LGR6: variants seen among roughly 807,000 people sequenced by gnomAD.
LGR6 encodes the protein leucine rich repeat containing G protein-coupled receptor 6.
A neutral mutation model predicts 69.4 loss-of-function variants in LGR6; 45 were observed. That is an observed-to-expected ratio of 0.65 (90% CI 0.51 to 0.83). The LOEUF (loss-of-function observed/expected upper bound fraction) is 0.83. Ranked by LOEUF, LGR6 falls within the 40% of genes least tolerant of loss-of-function variation. The probability of loss-of-function intolerance (pLI) is 0.00; values close to 1 mark genes in which losing one functional copy is unlikely to be tolerated. For missense variants in LGR6, 1,108 were observed against 1,246.7 expected, an observed-to-expected ratio of 0.89 and a Z score of 1.68; for synonymous variants, 538 against 555.0, an observed-to-expected ratio of 0.97 and a Z score of 0.43.
intron 16 of LGR6, 41 bp downstream of exon 16, chr1:202,310,398 T>C (rs1234788669): frequency 6.3e-7 from 1 of 1,595,834 alleles, no homozygotes; most frequent in Non-Finnish European, 8.6e-7. Context: ...GGTAGTGGGC[T>C]GTGGAGAGGA....
chr1:202,250,432 G>T (rs1216037532), intron 4 of LGR6, among the ~76,000 whole-genome samples: 1 of 151,222 alleles, frequency 6.6e-6, no homozygotes, highest in Non-Finnish European at 1.5e-5. Flanking sequence ...TTGAGACAGA[G>T]TCTCACTCTG....
chr1:202,260,117 C>T (rs939142723), intron 4 of LGR6, among the ~76,000 whole-genome samples: 15 of 152,266 alleles, frequency 9.9e-5, no homozygotes, highest in East Asian at 1.9e-4. Flanking sequence ...GTCTTGATTT[C>T]GGCCTCAGCC....
intron 4 of LGR6, among the ~76,000 whole-genome samples, chr1:202,250,551 G>A (rs949737534): frequency 6.6e-6 from 1 of 151,804 alleles, no homozygotes. Context: ...GATTACAGGG[G>A]CCCACCACCA....
In LGR6 at chr1:202,225,249, T is replaced by C; in HGVS notation, c.213-174T>C. 4 of 602,998 alleles carry C rather than the reference T, an allele frequency of 6.6e-6. No homozygotes were observed. The South Asian group carries it at 7.1e-5, about 11-fold the overall frequency. 37.4% of individuals were successfully genotyped at this position (602,998 alleles called of 1,614,324 possible). A position where few individuals can be genotyped will look rare whatever the true frequency, so the allele number is the denominator to read the frequency against. On this transcript the variant is annotated intron_variant, in intron 1 of 17. Transcript: ENST00000367278. The stretch of plus-strand genomic sequence containing the variant: ...GGAGGCCTGACTCCCAGCTCAGTTC[T>C]TGCTCTTAGAGAGAACGCAGCTGCT...
At chr1:202,249,512 A>G (rs1183428868) in intron 4 of LGR6, among the ~76,000 whole-genome samples, 1 of 152,186 alleles carries the variant, frequency 6.6e-6, no homozygotes, top group African/African-American at 2.4e-5. Flanking sequence ...TTTAGCTTAG[A>G]TTGGTACAAT....
intron 1 of LGR6, among the ~76,000 whole-genome samples, chr1:202,211,492 G>A (rs559462761): frequency 6.6e-6 from 1 of 152,266 alleles, no homozygotes; most frequent in East Asian, 1.9e-4. Context: ...CTCCCAAGTA[G>A]CTGGGATTAC....
chr1:202,280,670 C>T, intron 5 of LGR6, 111 bp from the exon 6 acceptor site: 1 of 936,302 alleles, frequency 1.1e-6, no homozygotes, highest in South Asian at 1.3e-5. Flanking sequence ...CCATTAGGGT[C>T]ATTCTGTCCA....
chr1:202,251,144 C>T (rs968409579), intron 4 of LGR6, among the ~76,000 whole-genome samples: 5 of 152,122 alleles, frequency 3.3e-5, no homozygotes, highest in African/African-American at 1.2e-4. Context: ...ATAGGCAATG[C>T]TGTTGGCTTC....
chr1:202,279,009 G>T (rs1189552434), intron 5 of LGR6, among the ~76,000 whole-genome samples: 3 of 152,178 alleles, frequency 2.0e-5, no homozygotes, highest in African/African-American at 2.4e-5. Context: ...AAGACACCAG[G>T]GTTGAATGAG....
Position 202,317,992 on chromosome 1 carries a change from C to T in LGR6, c.1689C>T (p.Gly563=). 1 of 1,613,688 alleles carries T rather than the reference C, an allele frequency of 6.2e-7. No homozygotes were observed. Among genetic ancestry groups the T allele is most frequent in the Non-Finnish European group, 8.5e-7 (1 of 1,179,766 alleles). The part of the protein sequence containing the change: ...KPCEYLFESW[G]IRLAVWAIVL... ...GTGAGTACCTCTTTGAAAGCTGGGG[C>T]ATCCGCCTGGCCGTGTGGGCCATCG... Residue 563 remains glycine, a synonymous_variant, in exon 18 of 18, where the codon GGC becomes GGT. Transcript: ENST00000367278.
intron 2 of LGR6, among the ~76,000 whole-genome samples, chr1:202,226,153 G>T (rs1325072281): frequency 6.6e-6 from 1 of 152,116 alleles, no homozygotes. Flanking sequence ...TATGCTAGGG[G>T]TGCTCAAAAG....
chr1:202,291,887 T>C (rs527837079), intron 6 of LGR6, among the ~76,000 whole-genome samples: 4 of 152,226 alleles, frequency 2.6e-5, no homozygotes, highest in Non-Finnish European at 5.9e-5. Context: ...TGTAATGCTA[T>C]GCATGCAGAG....
intron 3 of LGR6, among the ~76,000 whole-genome samples, chr1:202,232,101 C>CA (rs34791544): frequency 1.7e-4 from 25 of 143,560 alleles, no homozygotes; most frequent in Admixed American, 6.9e-4. Flanking sequence ...AACGCCGTCT[C>CA]AAAAAAAAAA....
intron 1 of LGR6, chr1:202,196,937 G>A (rs776995126): frequency 2.1e-6 from 1 of 472,344 alleles, no homozygotes; most frequent in Non-Finnish European, 4.3e-6. Flanking sequence ...GAAAATTGGG[G>A]GTTGGGGATC....
chr1:202,317,082 G>C (rs908557381), intron 17 of LGR6, among the ~76,000 whole-genome samples: 3 of 152,210 alleles, frequency 2.0e-5, no homozygotes, highest in African/African-American at 7.2e-5. Flanking sequence ...TATTTGGTCA[G>C]GACTCTCCCA....
At position 202,251,753 on chromosome 1, in the gene LGR6, A is replaced by G. The variant is rs528499342; in HGVS notation, c.428+15760A>G. On this transcript the variant is annotated intron_variant, in intron 4 of 17. Coordinates refer to ENST00000367278, the MANE Select transcript of LGR6 (RefSeq NM_001017403.2). ...CCACTAGCCTGCCTCTCAGCTGCAC[A>G]TCTGCTAACTGGGGGCCTGAAGGGC... Among the ~76,000 whole-genome samples the G allele has an allele frequency of 3.6e-4, 55 of 152,292 alleles. 1 individual carries two copies. The highest frequency in any genetic ancestry group is 1.3e-3 in the African/African-American group (52 of 41,570).
chr1:202,307,519 C>T (rs1653341944), intron 14 of LGR6, 118 bp downstream of exon 14: 2 of 792,350 alleles, frequency 2.5e-6, no homozygotes, highest in Non-Finnish European at 4.3e-6. Context: ...GGGAGATGGG[C>T]CTCAGCCTAA....
chr1:202,305,726 C>T lies in LGR6; in HGVS notation c.1113C>T (p.His371=), dbSNP rs1400987499. ...HNQIEELPSL[H]RCQKLEEIGL... Reference sequence around the variant, plus strand: ...AAATTGAGGAGCTGCCCAGCCTGCACAGGTGTCAGAAATTGGAGGAAATGT... The same window carrying T: ...AAATTGAGGAGCTGCCCAGCCTGCATAGGTGTCAGAAATTGGAGGAAATGT... Residue 371 remains histidine, a synonymous_variant, in exon 12 of 18, where the codon CAC becomes CAT. Transcript: ENST00000367278. 1 of 1,613,954 alleles carries T rather than the reference C, an allele frequency of 6.2e-7. No homozygotes were observed. Among genetic ancestry groups the T allele is most frequent in the Non-Finnish European group, 8.5e-7 (1 of 1,180,018 alleles).
intron 4 of LGR6, among the ~76,000 whole-genome samples, chr1:202,255,396 T>C (rs1231482821): frequency 1.3e-5 from 2 of 152,066 alleles, no homozygotes; most frequent in African/African-American, 4.8e-5. Context: ...TGACTGATTG[T>C]ATAGGAAATC....
Sources: allele counts gnomAD v4.1 joint callset (sites outside exome capture counted in the v4.1 genomes callset), GRCh38; gene constraint gnomAD v4.1.1; transcripts MANE v1.5; gene names NCBI Gene and HGNC (gene_info 2026-07-23, HGNC 2026-07-21).